PRORP: variants seen among roughly 807,000 people sequenced by gnomAD.
The protein encoded by PRORP is mitochondrial ribonuclease P catalytic subunit.
In PRORP, 51 loss-of-function variants were observed where a neutral mutation model predicts 59.4. The ratio of observed to expected loss-of-function variants is 0.86; its 90% CI spans 0.69 to 1.08. The LOEUF is 1.08. Among genes scored for constraint, PRORP ranks in the 50% least tolerant of loss-of-function variants. PRORP has a pLI of 0.00. For synonymous variants in PRORP, 231 were observed against 245.6 expected (o/e 0.94, Z 0.55); for missense variants, 646 against 690.3 (o/e 0.94, Z 0.72).
At chr14:35,229,488 G>T (rs1194068506) in intron 5 of PRORP, among the ~76,000 whole-genome samples, 1 of 152,072 alleles carries the variant, frequency 6.6e-6, no homozygotes, top group Non-Finnish European at 1.5e-5. Context: ...AAAGGTAAAG[G>T]TCCAGTTTCA....
intron 5 of PRORP, among the ~76,000 whole-genome samples, chr14:35,242,592 A>C (rs61988266): frequency 0.16 from 24,927 of 152,242 alleles, 2,409 homozygotes; most frequent in Middle Eastern, 0.23. Flanking sequence ...CAGCACATAC[A>C]TACATACGTA....
intron 5 of PRORP, among the ~76,000 whole-genome samples, chr14:35,246,262 G>A (rs947664368): frequency 5.9e-5 from 9 of 152,080 alleles, no homozygotes; most frequent in African/African-American, 1.7e-4. Flanking sequence ...GGAGATGTTC[G>A]TTGGTTATTT....
intron 5 of PRORP, among the ~76,000 whole-genome samples, chr14:35,241,551 A>G (rs1394502350): frequency 6.6e-6 from 1 of 152,130 alleles, no homozygotes; most frequent in Non-Finnish European, 1.5e-5. Flanking sequence ...GCTGAAGTCT[A>G]ATAATTGGCC....
chr14:35,240,140 T>C (rs1279724691), intron 5 of PRORP, among the ~76,000 whole-genome samples: 1 of 151,956 alleles, frequency 6.6e-6, no homozygotes, highest in Non-Finnish European at 1.5e-5. Context: ...AATGTTGTAC[T>C]GATTGGAATT....
chr14:35,221,573 C>T (rs535212006), intron 5 of PRORP, among the ~76,000 whole-genome samples: 22 of 152,154 alleles, frequency 1.4e-4, no homozygotes, highest in Admixed American at 1.4e-3. Context: ...TCACCTCACC[C>T]TGGCTCCAGC....
At chr14:35,160,134 A>G (rs1489936424) in intron 4 of PRORP, among the ~76,000 whole-genome samples, 4 of 152,220 alleles carry the variant, frequency 2.6e-5, no homozygotes, top group South Asian at 2.1e-4. Flanking sequence ...AGATATTTGT[A>G]TAAGTTAGAC....
chr14:35,214,642 C>T (rs1212188453), intron 5 of PRORP, among the ~76,000 whole-genome samples: 25 of 152,210 alleles, frequency 1.6e-4, no homozygotes. Context: ...TGTGGTGGCT[C>T]ACGCCTATAA....
intron 4 of PRORP, among the ~76,000 whole-genome samples, chr14:35,157,100 C>T (rs1341885258): frequency 1.1e-4 from 16 of 151,870 alleles, no homozygotes; most frequent in Admixed American, 3.9e-4. Flanking sequence ...GGACTACAGG[C>T]GCCCGCCACC....
At position 35,123,558 on chromosome 14, in the gene PRORP, T is replaced by TG; in HGVS notation, c.313_314insG (p.Leu105CysfsTer22). On this transcript the variant is annotated frameshift_variant, in exon 2 of 8. Transcript: ENST00000534898. LOFTEE classifies it high-confidence loss of function. ...GAATTCTCAAACTGAAGATCATGCC[T>TG]TGGCACCTGTGAGGAACACTATTCA... 6.2e-7 allele frequency: 1 copy of TG among 1,614,200 alleles called. No homozygotes were observed.
At chr14:35,187,003 T>C (rs910294298) in intron 5 of PRORP, among the ~76,000 whole-genome samples, 5 of 152,206 alleles carry the variant, frequency 3.3e-5, no homozygotes, top group African/African-American at 9.7e-5. Flanking sequence ...TTCCCTTTTA[T>C]TGCCAAATCG....
rs531776025 is a variant in PRORP, at chr14:35,235,705, G to A, written c.1276-31022G>A. 3 of 336,134 alleles carry A rather than the reference G, an allele frequency of 8.9e-6. No individual in the cohort carries two copies. The Admixed American group carries it at 1.2e-4, about 14-fold the overall frequency. 20.8% of individuals were successfully genotyped at this position (336,134 alleles called of 1,614,324 possible). ...TGTAGACCAAGCAAAAGTTGCCAAT[G>A]CTAGACACTTGTATATGGAGTACCT... On this transcript the variant is annotated intron_variant, in intron 5 of 7. Coordinates refer to ENST00000534898, the MANE Select transcript of PRORP (RefSeq NM_014672.4).
intron 4 of PRORP, among the ~76,000 whole-genome samples, chr14:35,134,557 G>C (rs180916928): frequency 1.1e-4 from 16 of 152,230 alleles, no homozygotes; most frequent in Admixed American, 9.8e-4. Context: ...TTCCCTTCTG[G>C]CTCAGAGTGT....
chr14:35,226,731 T>C (rs543552083), intron 5 of PRORP, among the ~76,000 whole-genome samples: 2 of 143,272 alleles, frequency 1.4e-5, no homozygotes, highest in South Asian at 2.1e-4. Context: ...CAAAAATTAT[T>C]ATTATTATTT....
rs112831028 is a variant in PRORP, at chr14:35,170,916, C to A, written c.1168-9754C>A. 1.3e-5 allele frequency among the ~76,000 whole-genome samples: 2 copies of A among 151,076 alleles called. 1 individual carries two copies. Among genetic ancestry groups the A allele is most frequent in the African/African-American group, 4.9e-5 (2 of 41,114 alleles). On this transcript the variant is annotated intron_variant, in intron 4 of 7. Transcript: ENST00000534898. Reference sequence around the variant, plus strand: ...CCAGGCTGGAGTGTAATGGCGCAATCTCGGCTCACCGCAACCTCTGCCTCC... The same window carrying A: ...CCAGGCTGGAGTGTAATGGCGCAATATCGGCTCACCGCAACCTCTGCCTCC...
chr14:35,130,911 A>G (rs766074032), intron 4 of PRORP, among the ~76,000 whole-genome samples: 3 of 151,742 alleles, frequency 2.0e-5, no homozygotes, highest in Non-Finnish European at 4.4e-5. Context: ...AAGTGCTGGA[A>G]TTATAGGCGT....
chr14:35,139,690 G>A (rs555722136), intron 4 of PRORP, among the ~76,000 whole-genome samples: 2 of 146,130 alleles, frequency 1.4e-5, no homozygotes, highest in Admixed American at 1.4e-4. Context: ...GATTAGAACA[G>A]TCTTGAACAA....
chr14:35,154,125 A>G (rs187098898), intron 4 of PRORP, among the ~76,000 whole-genome samples: 14 of 152,320 alleles, frequency 9.2e-5, no homozygotes, highest in Non-Finnish European at 1.8e-4. Context: ...CACATAACAC[A>G]TAGTTATGTG....
intron 5 of PRORP, among the ~76,000 whole-genome samples, chr14:35,249,098 T>C (rs535964454): frequency 1.3e-5 from 2 of 152,308 alleles, no homozygotes; most frequent in South Asian, 4.1e-4. Flanking sequence ...TGGGAAATAA[T>C]TGTCAAAATT....
intron 5 of PRORP, among the ~76,000 whole-genome samples, chr14:35,245,068 A>C (rs1334342803): frequency 1.3e-5 from 2 of 152,204 alleles, no homozygotes; most frequent in Non-Finnish European, 2.9e-5. Context: ...AGGGTTTACC[A>C]CATCAGGGCA....
Sources: allele counts gnomAD v4.1 joint callset (sites outside exome capture counted in the v4.1 genomes callset), GRCh38; gene constraint gnomAD v4.1.1; transcripts MANE v1.5; gene names NCBI Gene and HGNC (gene_info 2026-07-23, HGNC 2026-07-21).